GRID2: variants seen among roughly 807,000 people sequenced by gnomAD.
GRID2 encodes glutamate receptor ionotropic, delta-2.
In GRID2, 33 loss-of-function variants were observed where a neutral mutation model predicts 114.8. That is an observed-to-expected ratio of 0.29 (90% CI 0.22 to 0.38). GRID2 has a LOEUF of 0.38. Among genes scored for constraint, GRID2 ranks in the 10% least tolerant of loss-of-function variants. The pLI is 1.00. For synonymous variants in GRID2, 505 were observed against 449.9 expected (o/e 1.12, Z -1.55); for missense variants, 1,184 against 1,257.7 (o/e 0.94, Z 0.89).
At chr4:93,243,090 T>C (rs568779413) in intron 8 of GRID2, among the ~76,000 whole-genome samples, 77 of 152,178 alleles carry the variant, frequency 5.1e-4, no homozygotes, top group African/African-American at 1.8e-3. Context: ...GTACCTTGTA[T>C]ACCTTTGACA....
At chr4:92,516,662 G>A (rs541921778) in intron 1 of GRID2, among the ~76,000 whole-genome samples, 2 of 151,746 alleles carry the variant, frequency 1.3e-5, no homozygotes, top group South Asian at 2.1e-4. Flanking sequence ...CAATCATGGC[G>A]GCAGAAAACC....
chr4:92,442,099 G>A (rs943267629), intron 1 of GRID2, among the ~76,000 whole-genome samples: 1 of 145,390 alleles, frequency 6.9e-6, no homozygotes, highest in Non-Finnish European at 1.6e-5. Context: ...TGAAAAGAAG[G>A]TAATGTGGAG....
chr4:92,711,523 T>G (rs560085835), intron 2 of GRID2, among the ~76,000 whole-genome samples: 259 of 152,344 alleles, frequency 1.7e-3, no homozygotes, highest in African/African-American at 6.1e-3. Context: ...CATCCATTTC[T>G]GCAATAGAGT....
intron 14 of GRID2, among the ~76,000 whole-genome samples, chr4:93,741,201 G>GTATATATA (rs1188641160): frequency 5.6e-5 from 3 of 53,736 alleles, no homozygotes; most frequent in Non-Finnish European, 9.1e-5. Flanking sequence ...ATATATATAT[G>GTATATATA]TATATATATA....
intron 2 of GRID2, among the ~76,000 whole-genome samples, chr4:92,771,311 T>C (rs1738534986): frequency 6.6e-6 from 1 of 152,242 alleles, no homozygotes; most frequent in African/African-American, 2.4e-5. Context: ...TGTGCTGCTG[T>C]ATCACTTTAC....
intron 4 of GRID2, among the ~76,000 whole-genome samples, chr4:93,154,020 C>T (rs1168554180): frequency 6.6e-6 from 1 of 151,888 alleles, no homozygotes; most frequent in East Asian, 1.9e-4. Flanking sequence ...GCAAATGATC[C>T]CTAAACTGCC....
At position 93,013,583 on chromosome 4, in the gene GRID2, T is replaced by A. The variant is rs1028900347; in HGVS notation, c.245-71412T>A. ...TATGTATTAAATACTATTCCTGTAT[T>A]AGAGGTTCGTGCTTGTCATCAGTCA... On this transcript the variant is annotated intron_variant, in intron 2 of 15. Transcript: ENST00000282020. Among the ~76,000 whole-genome samples the A allele has an allele frequency of 4.6e-5, 7 of 152,106 alleles. No homozygotes were observed. The South Asian group carries it at 1.0e-3, about 22-fold the overall frequency.
chr4:93,308,181 T>G (rs1755638153), intron 8 of GRID2, among the ~76,000 whole-genome samples: 1 of 152,220 alleles, frequency 6.6e-6, no homozygotes, highest in Non-Finnish European at 1.5e-5. Context: ...TCAGTTGCTC[T>G]GCATACCCCC....
At chr4:93,583,920 A>G (rs1737259708) in intron 13 of GRID2, among the ~76,000 whole-genome samples, 2 of 152,214 alleles carry the variant, frequency 1.3e-5, no homozygotes, top group Admixed American at 1.3e-4. Context: ...AAAAGAGAAA[A>G]CAAACCAATG....
intron 8 of GRID2, among the ~76,000 whole-genome samples, chr4:93,266,768 G>A (rs961995364): frequency 2.6e-5 from 4 of 152,166 alleles, no homozygotes; most frequent in Non-Finnish European, 5.9e-5. Context: ...TTCCTCTTGA[G>A]TCTAGGCTTT....
At chr4:92,479,111 T>C (rs943218210) in intron 1 of GRID2, among the ~76,000 whole-genome samples, 3 of 152,124 alleles carry the variant, frequency 2.0e-5, no homozygotes, top group African/African-American at 4.8e-5. Flanking sequence ...TGGTTATTGA[T>C]AAAGATATAT....
chr4:92,698,618 T>C (rs573751293), intron 2 of GRID2, among the ~76,000 whole-genome samples: 2 of 151,822 alleles, frequency 1.3e-5, no homozygotes, highest in African/African-American at 2.4e-5. Flanking sequence ...ATTTCTGATA[T>C]AGAAGCTGAT....
chr4:93,575,929 A>G (rs1736380087), intron 13 of GRID2, among the ~76,000 whole-genome samples: 1 of 152,186 alleles, frequency 6.6e-6, no homozygotes, highest in African/African-American at 2.4e-5. Context: ...TTTTAATTCT[A>G]AAAGGAGGAA....
chr4:93,005,139 CAGAAT>C (rs1458162776), intron 2 of GRID2, among the ~76,000 whole-genome samples: 1 of 152,020 alleles, frequency 6.6e-6, no homozygotes, highest in Non-Finnish European at 1.5e-5. Context: ...CAAGAATAGA[CAGAAT>C]AGACAGTTTC....
chr4:92,933,256 T>G (rs1750384017), intron 2 of GRID2, among the ~76,000 whole-genome samples: 1 of 151,278 alleles, frequency 6.6e-6, no homozygotes, highest in African/African-American at 2.4e-5. Context: ...ATGTATCAGT[T>G]GCAAATCTGA....
intron 14 of GRID2, among the ~76,000 whole-genome samples, chr4:93,630,349 C>A (rs761052993): frequency 1.3e-5 from 2 of 152,112 alleles, no homozygotes; most frequent in African/African-American, 2.4e-5. Flanking sequence ...TCATTAAAGG[C>A]ATTCAAGAAT....
At chr4:92,392,834 C>T (rs1036848530) in intron 1 of GRID2, among the ~76,000 whole-genome samples, 12 of 152,174 alleles carry the variant, frequency 7.9e-5, no homozygotes, top group South Asian at 2.1e-4. Flanking sequence ...CCTTACCCTG[C>T]GTTACTGAAA....
chr4:93,769,545 G>A, intron 15 of GRID2, 95 bp downstream of exon 15: 1 of 1,203,012 alleles, frequency 8.3e-7, no homozygotes, highest in Non-Finnish European at 1.2e-6. Flanking sequence ...GTTGGGGGTG[G>A]TCCTTGTTTT....
At chr4:92,417,436 G>A (rs961836388) in intron 1 of GRID2, among the ~76,000 whole-genome samples, 1 of 152,010 alleles carries the variant, frequency 6.6e-6, no homozygotes, top group Non-Finnish European at 1.5e-5. Context: ...TTGAAGATGT[G>A]ATTAGCTCAT....
Sources: allele counts gnomAD v4.1 joint callset (sites outside exome capture counted in the v4.1 genomes callset), GRCh38; gene constraint gnomAD v4.1.1; transcripts MANE v1.5; gene names NCBI Gene and HGNC (gene_info 2026-07-23, HGNC 2026-07-21).